Variants in USP13 observed in about 807,000 individuals in gnomAD.
The protein encoded by USP13 is ubiquitin specific peptidase 13.
In USP13, 68 loss-of-function variants were observed where a neutral mutation model predicts 107.8. The observed-to-expected ratio is 0.63, with a 90% CI of 0.52 to 0.77. USP13 has a LOEUF of 0.77. Among genes scored for constraint, USP13 ranks in the 30% least tolerant of loss-of-function variants. The pLI is 0.00. For missense variants in USP13, 945 were observed against 1,093.3 expected (o/e 0.86, Z 1.91); for synonymous variants, 377 against 389.5 (o/e 0.97, Z 0.38).
intron 4 of USP13, among the ~76,000 whole-genome samples, chr3:179,701,690 C>T (rs922063708): frequency 6.6e-6 from 1 of 152,196 alleles, no homozygotes; most frequent in Non-Finnish European, 1.5e-5. Context: ...CAGTTTTACT[C>T]CCTATGTGAA....
chr3:179,663,989 G>A (rs9826471), intron 1 of USP13, among the ~76,000 whole-genome samples: 2,131 of 152,254 alleles, frequency 0.014, 47 homozygotes, highest in African/African-American at 0.048. Flanking sequence ...GTACATCTCT[G>A]TCATGGGTGG....
Position 179,721,398 on chromosome 3 carries a change from T to G in USP13, c.901-4T>G. ...GTTGTTTTTCTTCGATGACTTTGTC[T>G]CAGACAGAGAATGGGCTCCAGGACA... is the stretch of plus-strand genomic sequence containing the variant. On this transcript the variant is annotated splice_polypyrimidine_tract_variant and splice_region_variant and intron_variant, in intron 7 of 20. Transcript: ENST00000263966. This position sits in a 1 kb window ranked among gnomAD's most constrained non-coding sequence, Gnocchi z 4.3. 1 of 1,612,460 alleles carries G rather than the reference T, an allele frequency of 6.2e-7. No individual in the cohort carries two copies. Among genetic ancestry groups the G allele is most frequent in the Non-Finnish European group, 8.5e-7 (1 of 1,179,034 alleles).
intron 7 of USP13, among the ~76,000 whole-genome samples, chr3:179,720,806 A>G (rs1713283485): frequency 6.7e-6 from 1 of 149,696 alleles, no homozygotes; most frequent in Non-Finnish European, 1.5e-5. Flanking sequence ...TTCTCTCTTT[A>G]AAATCTTTTT....
At chr3:179,694,230 C>T (rs747080230) in intron 3 of USP13, among the ~76,000 whole-genome samples, 2 of 152,162 alleles carry the variant, frequency 1.3e-5, no homozygotes, top group Admixed American at 6.5e-5. Flanking sequence ...CTGCCTTGGC[C>T]TCCCAGAATG....
At position 179,728,054 on chromosome 3, in the gene USP13, C is replaced by T. The variant is rs1302614880; in HGVS notation, c.1089-2135C>T. 6.0e-4 allele frequency among the ~76,000 whole-genome samples: 41 copies of T among 68,102 alleles called. 3 individuals are homozygous for T. The highest frequency in any genetic ancestry group is 1.6e-3 in the African/African-American group (38 of 23,456). The allele number at this position is 68,102 out of a possible 152,430, so 44.7% of individuals were successfully genotyped here. A position where few individuals can be genotyped will look rare whatever the true frequency, so the allele number is the denominator to read the frequency against. On this transcript the variant is annotated intron_variant, in intron 8 of 20. Coordinates refer to ENST00000263966, the MANE Select transcript of USP13 (RefSeq NM_003940.3). ...CCCACCACCTCCCTCCCGGACGGGG[C>T]GGCTGGCCGGGCGGGGGGCTGACCC...
intron 1 of USP13, among the ~76,000 whole-genome samples, chr3:179,660,526 C>A (rs1216789043): frequency 1.3e-5 from 2 of 152,222 alleles, no homozygotes; most frequent in Non-Finnish European, 2.9e-5. Context: ...TTTGTCCATT[C>A]ACCTGTTAAT....
chr3:179,658,364 T>C (rs541609901), intron 1 of USP13, among the ~76,000 whole-genome samples: 2 of 152,334 alleles, frequency 1.3e-5, no homozygotes, highest in Admixed American at 6.5e-5. Flanking sequence ...ATGCCTGCAT[T>C]ACGTAGAGTC....
intron 1 of USP13, among the ~76,000 whole-genome samples, chr3:179,681,057 GT>G (rs1490073788): frequency 1.3e-5 from 2 of 152,150 alleles, no homozygotes; most frequent in Non-Finnish European, 2.9e-5. Flanking sequence ...AGACAAGCAT[GT>G]TTATTTCCTA....
chr3:179,680,173 AAACAAC>A (rs56274945), intron 1 of USP13, among the ~76,000 whole-genome samples: 34,170 of 150,074 alleles, frequency 0.23, 4,389 homozygotes, highest in East Asian at 0.4. Flanking sequence ...ACGCTGTTGA[AAACAAC>A]AACAACAACA....
chr3:179,721,678 T>C lies in USP13; in HGVS notation c.1088+89T>C, dbSNP rs2119898. ...CTCAGTGTGCGCTGCGAAGCCCATCTTTATTGCTTCAGGACATTTTGCCAC... is the reference window on the plus strand; with the variant it reads ...CTCAGTGTGCGCTGCGAAGCCCATCCTTATTGCTTCAGGACATTTTGCCAC... On this transcript the variant is annotated intron_variant, in intron 8 of 20. Transcript: ENST00000263966. This position sits in a 1 kb window ranked among gnomAD's most constrained non-coding sequence, Gnocchi z 4.3. 0.48 allele frequency: 675,921 copies of C among 1,402,526 alleles called. 169,928 individuals carry two copies. The highest frequency in any genetic ancestry group is 0.51 in the Non-Finnish European group (534,533 of 1,038,950). 86.9% of individuals were successfully genotyped at this position (1,402,526 alleles called of 1,614,324 possible).
chr3:179,678,522 G>T lies in USP13; in HGVS notation c.169-3356G>T, dbSNP rs1711544478. On this transcript the variant is annotated intron_variant, in intron 1 of 20. Coordinates refer to ENST00000263966, the MANE Select transcript of USP13 (RefSeq NM_003940.3). The surrounding 1 kb of genome is among the most constrained non-coding windows in gnomAD (Gnocchi z 4.2). ...GGGTCTCTTTCTGTCACCCAGGCTG[G>T]ATGGCACAATCATGGCTCACTGCAA... 6.6e-6 allele frequency among the ~76,000 whole-genome samples: 1 copy of T among 151,682 alleles called. No homozygotes were observed.
chr3:179,743,455 GT>G (rs1379637893), intron 12 of USP13, among the ~76,000 whole-genome samples: 2 of 151,430 alleles, frequency 1.3e-5, no homozygotes, highest in African/African-American at 2.4e-5. Context: ...TTTCTTGTGT[GT>G]GGGGGGTGGT....
In USP13 at chr3:179,707,016, C is replaced by T. The variant is rs1279020297; in HGVS notation, c.560C>T (p.Pro187Leu). The change falls in exon 5 of 21, where the codon CCA becomes CTA. Residue 187 changes from proline (P) to leucine (L), a missense_variant. Coordinates refer to ENST00000263966, the MANE Select transcript of USP13 (RefSeq NM_003940.3). ...QDPDTWENELPVSKYANNLTQ... is the reference protein window; with the variant it reads ...QDPDTWENELLVSKYANNLTQ... Reference sequence around the variant, plus strand: ...CCAGACACGTGGGAAAATGAATTGCCAGTATCTAAATATGCCAACAACCTC... The same window carrying T: ...CCAGACACGTGGGAAAATGAATTGCTAGTATCTAAATATGCCAACAACCTC... The T allele has an allele frequency of 6.2e-7, 1 of 1,613,988 alleles. No homozygotes were observed. Among genetic ancestry groups the T allele is most frequent in the African/African-American group, 1.3e-5 (1 of 74,918 alleles).
intron 19 of USP13, among the ~76,000 whole-genome samples, chr3:179,779,970 G>A (rs1468357413): frequency 6.6e-6 from 1 of 152,152 alleles, no homozygotes; most frequent in Non-Finnish European, 1.5e-5. Flanking sequence ...GGGTGTGAGA[G>A]AGAAGGCAAG....
chr3:179,681,485 A>G (rs2108453446), intron 1 of USP13, among the ~76,000 whole-genome samples: 1 of 152,346 alleles, frequency 6.6e-6, no homozygotes, highest in South Asian at 2.1e-4. Context: ...TTCCAGGTGC[A>G]GGGGCTTAAA....
At chr3:179,720,438 T>C (rs2268938) in intron 7 of USP13, among the ~76,000 whole-genome samples, 110,348 of 152,110 alleles carry the variant, frequency 0.73, 40,252 homozygotes, top group Admixed American at 0.78. Context: ...TCCTAGGGGA[T>C]AGAACGAATA....
chr3:179,699,526 A>T (rs977197962), intron 3 of USP13, among the ~76,000 whole-genome samples: 3 of 152,078 alleles, frequency 2.0e-5, no homozygotes, highest in Non-Finnish European at 4.4e-5. Context: ...GGCCTGAGCC[A>T]CATAGTGAGA....
In USP13 at chr3:179,763,983, G is replaced by T. The variant is rs959665913; in HGVS notation, c.2093-19G>T. 3 of 1,587,958 alleles carry T rather than the reference G, an allele frequency of 1.9e-6. No individual in the cohort carries two copies. Among genetic ancestry groups the T allele is most frequent in the Non-Finnish European group, 2.6e-6 (3 of 1,172,480 alleles). ...AAAAAAAAAAAAGGAAAAGACTTGG[G>T]TGTGGTTATTTTTCTCAGATTTTGC... On this transcript the variant is annotated intron_variant, in intron 17 of 20. Coordinates refer to ENST00000263966, the MANE Select transcript of USP13 (RefSeq NM_003940.3).
At chr3:179,768,265 T>C (rs922465131) in intron 19 of USP13, among the ~76,000 whole-genome samples, 2 of 152,208 alleles carry the variant, frequency 1.3e-5, no homozygotes, top group African/African-American at 2.4e-5. Flanking sequence ...GTCTGATCTT[T>C]AGGGTTTCCT....
Sources: allele counts gnomAD v4.1 joint callset (sites outside exome capture counted in the v4.1 genomes callset), GRCh38; gene constraint gnomAD v4.1.1; non-coding constraint Gnocchi (gnomAD v3.1); transcripts MANE v1.5; gene names NCBI Gene and HGNC (gene_info 2026-07-23, HGNC 2026-07-21).